The following NEGR1 variants were observed in gnomAD, a reference collection of about 807,000 sequenced individuals.
NEGR1 encodes neuronal growth regulator 1.
NEGR1 carries 10 observed loss-of-function variants against 40.9 expected under a neutral mutation model. The observed-to-expected ratio is 0.24, with a 90% CI of 0.15 to 0.42. The LOEUF (loss-of-function observed/expected upper bound fraction) is 0.42. Ranked by LOEUF, NEGR1 falls within the 10% of genes least tolerant of loss-of-function variation. The pLI, the probability that NEGR1 is intolerant of heterozygous loss-of-function variation, is 1.00. For missense variants in NEGR1, 352 were observed against 438.9 expected, an observed-to-expected ratio of 0.80 and a Z score of 1.77; for synonymous variants, 185 against 166.8, an observed-to-expected ratio of 1.11 and a Z score of -0.84.
At chr1:72,214,661 T>C (rs1434843716) in intron 1 of NEGR1, among the ~76,000 whole-genome samples, 2 of 151,876 alleles carry the variant, frequency 1.3e-5, no homozygotes, top group Non-Finnish European at 2.9e-5. Flanking sequence ...ACAAGGCACA[T>C]GAAGGACCTC....
chr1:71,751,263 T>C (rs1341449326), intron 3 of NEGR1, among the ~76,000 whole-genome samples: 1 of 152,120 alleles, frequency 6.6e-6, no homozygotes, highest in Non-Finnish European at 1.5e-5. Flanking sequence ...TAATCTGCAA[T>C]TTCATATTTA....
intron 1 of NEGR1, among the ~76,000 whole-genome samples, chr1:72,076,797 A>G (rs1384912822): frequency 1.3e-5 from 2 of 152,090 alleles, no homozygotes; most frequent in East Asian, 3.9e-4. Flanking sequence ...AATACATTAT[A>G]TAACAAAGTT....
At chr1:72,176,991 A>C (rs1219982935) in intron 1 of NEGR1, among the ~76,000 whole-genome samples, 1 of 152,028 alleles carries the variant, frequency 6.6e-6, no homozygotes. Context: ...ATGGCCATAG[A>C]CTCAAGATGA....
intron 1 of NEGR1, among the ~76,000 whole-genome samples, chr1:72,238,924 A>T (rs1318541872): frequency 2.6e-5 from 4 of 151,962 alleles, no homozygotes; most frequent in Admixed American, 6.6e-5. Flanking sequence ...CGGGGATCAT[A>T]CTTATGGAAT....
intron 2 of NEGR1, among the ~76,000 whole-genome samples, chr1:71,879,725 G>C (rs1660530076): frequency 6.6e-6 from 1 of 152,072 alleles, no homozygotes; most frequent in Admixed American, 6.5e-5. Flanking sequence ...GAAATGCCAG[G>C]TTTTTAACAT....
At chr1:71,541,227 G>A (rs1367280072) in intron 6 of NEGR1, among the ~76,000 whole-genome samples, 1 of 151,490 alleles carries the variant, frequency 6.6e-6, no homozygotes, top group Non-Finnish European at 1.5e-5. Flanking sequence ...TTTAAAAAAA[G>A]AATATCCAAG....
chr1:72,142,525 T>TGATAGATA (rs57515875), intron 1 of NEGR1, among the ~76,000 whole-genome samples: 28,331 of 146,388 alleles, frequency 0.19, 2,889 homozygotes, highest in East Asian at 0.3. Context: ...CCTAGATAGA[T>TGATAGATA]GATAGATAGA....
intron 2 of NEGR1, among the ~76,000 whole-genome samples, chr1:71,805,380 G>A (rs1326857280): frequency 6.6e-6 from 1 of 151,992 alleles, no homozygotes; most frequent in Non-Finnish European, 1.5e-5. Flanking sequence ...TACGGCTCAG[G>A]GGGCATCACG....
At chr1:72,060,185 C>G (rs544613960) in intron 1 of NEGR1, among the ~76,000 whole-genome samples, 66 of 151,620 alleles carry the variant, frequency 4.4e-4, no homozygotes, top group Non-Finnish European at 8.3e-4. Context: ...AGCTTTCTAC[C>G]TCCAAGATTA....
intron 1 of NEGR1, among the ~76,000 whole-genome samples, chr1:72,184,898 A>T (rs1652555953): frequency 6.6e-6 from 1 of 152,088 alleles, no homozygotes; most frequent in African/African-American, 2.4e-5. Flanking sequence ...ATGAGAGAAC[A>T]TGAAAAAGTG....
chr1:71,659,197 G>C (rs1036853525), intron 4 of NEGR1, among the ~76,000 whole-genome samples: 1 of 152,030 alleles, frequency 6.6e-6, no homozygotes, highest in Non-Finnish European at 1.5e-5. Flanking sequence ...TAATCTTCAG[G>C]GTTATTTGAG....
intron 1 of NEGR1, among the ~76,000 whole-genome samples, chr1:72,081,356 A>G (rs1647989325): frequency 6.6e-6 from 1 of 152,086 alleles, no homozygotes; most frequent in South Asian, 2.1e-4. Flanking sequence ...TACTGTATAA[A>G]TATCTCTCCC....
In NEGR1 at chr1:71,830,051, A is replaced by G. The variant is rs1452968750; in HGVS notation, c.410-53754T>C. ...AAAGATTTACACAAATCGGACCCCA[A>G]TTGTGGGCTAAATTCAAATTTTCTT... is the stretch of plus-strand genomic sequence containing the variant. On this transcript the variant is annotated intron_variant, in intron 2 of 6. Transcript: ENST00000357731. 2.6e-5 allele frequency among the ~76,000 whole-genome samples: 4 copies of G among 151,982 alleles called. No homozygotes were observed. The South Asian group carries it at 6.2e-4, about 24-fold the overall frequency.
chr1:71,680,110 C>G (rs960270603), intron 4 of NEGR1, among the ~76,000 whole-genome samples: 4 of 151,796 alleles, frequency 2.6e-5, no homozygotes, highest in African/African-American at 9.7e-5. Flanking sequence ...TTTTAGTTAT[C>G]AAATTATTAG....
chr1:72,178,619 A>G (rs1351086722), intron 1 of NEGR1, among the ~76,000 whole-genome samples: 4 of 151,694 alleles, frequency 2.6e-5, no homozygotes, highest in Non-Finnish European at 4.4e-5. Context: ...TCAATTAAAC[A>G]TGACTAACTA....
At chr1:71,825,610 C>T (rs1487846014) in intron 2 of NEGR1, among the ~76,000 whole-genome samples, 1 of 151,800 alleles carries the variant, frequency 6.6e-6, no homozygotes, top group African/African-American at 2.4e-5. Flanking sequence ...TCTGCACTTC[C>T]TCTCTATGGA....
At chr1:71,448,783 A>G (rs1316613035) in intron 6 of NEGR1, among the ~76,000 whole-genome samples, 1 of 152,208 alleles carries the variant, frequency 6.6e-6, no homozygotes, top group African/African-American at 2.4e-5. Context: ...TGTAATTTAT[A>G]CAATTAGGTC....
chr1:71,737,834 G>A (rs1360858564), intron 3 of NEGR1, among the ~76,000 whole-genome samples: 1 of 152,174 alleles, frequency 6.6e-6, no homozygotes, highest in East Asian at 1.9e-4. Flanking sequence ...TTTCTCCACA[G>A]GTAATGCCCC....
At chr1:71,650,942 T>C (rs1039993053) in intron 4 of NEGR1, among the ~76,000 whole-genome samples, 3 of 152,128 alleles carry the variant, frequency 2.0e-5, no homozygotes, top group African/African-American at 7.2e-5. Flanking sequence ...ATACTAACAT[T>C]GTTTACCTAC....
Sources: allele counts gnomAD v4.1 joint callset (sites outside exome capture counted in the v4.1 genomes callset), GRCh38; gene constraint gnomAD v4.1.1; transcripts MANE v1.5; gene names NCBI Gene and HGNC (gene_info 2026-07-23, HGNC 2026-07-21).